Variants in RYR2 observed in about 807,000 individuals in gnomAD.
RYR2 encodes cardiac muscle ryanodine receptor-calcium release channel.
In RYR2, 227 loss-of-function variants were observed where a neutral mutation model predicts 601.1. That is an observed-to-expected ratio of 0.38 (90% CI 0.34 to 0.42). The LOEUF (loss-of-function observed/expected upper bound fraction) is 0.42, where lower values mean the gene tolerates loss of function less well. RYR2 is among the 10% of genes least tolerant of loss of function. The probability of loss-of-function intolerance (pLI) is 1.00; values close to 1 mark genes in which losing one functional copy is unlikely to be tolerated. For missense variants in RYR2, 4,646 were observed against 6,156.5 expected (o/e 0.75, Z 8.21); for synonymous variants, 2,223 against 2,175.1 (o/e 1.02, Z -0.61).
At chr1:237,832,482 A>G in intron 104 of RYR2, 70 bp from the exon 105 acceptor site, 2 of 962,560 alleles carry the variant, frequency 2.1e-6, no homozygotes, top group Admixed American at 2.0e-5. Context: ...AACAGAATTG[A>G]GTTTCTACCT....
intron 29 of RYR2, among the ~76,000 whole-genome samples, chr1:237,571,901 T>G (rs974509083): frequency 6.6e-6 from 1 of 152,192 alleles, no homozygotes; most frequent in African/African-American, 2.4e-5. Context: ...AATTGCATCA[T>G]GGAAAATGGG....
chr1:237,374,674 G>T (rs755688058), intron 6 of RYR2, 43 bp from the exon 7 acceptor site: 3 of 1,519,550 alleles, frequency 2.0e-6, no homozygotes, highest in African/African-American at 1.4e-5. Context: ...AACAACAGAC[G>T]AACAAAACCT....
At chr1:237,258,280 G>A (rs756208286) in intron 1 of RYR2, among the ~76,000 whole-genome samples, 42 of 152,072 alleles carry the variant, frequency 2.8e-4, no homozygotes, top group Non-Finnish European at 5.4e-4. Context: ...GGAGAATGAC[G>A]TGAGAAGGTG....
Position 237,614,423 on chromosome 1 carries a change from C to T in RYR2, c.5295C>T (p.Ser1765=). 1 of 1,614,030 alleles carries T rather than the reference C, an allele frequency of 6.2e-7. No homozygotes were observed. ...TSLRPRMQFS[S]PSFVSISNEC... ...TCAGGCCACGGATGCAGTTTTCCTC[C>T]CCCAGTTTTGTAAGCATTAGTAATG... The change falls in exon 37 of 105, where the codon TCC becomes TCT. Residue 1765 remains serine (S), a synonymous_variant. Coordinates refer to ENST00000366574, the MANE Select transcript of RYR2 (RefSeq NM_001035.3). The surrounding 1 kb of genome is among the most constrained non-coding windows in gnomAD (Gnocchi z 4.3).
At chr1:237,459,744 T>C (rs1252951187) in intron 16 of RYR2, among the ~76,000 whole-genome samples, 3 of 152,202 alleles carry the variant, frequency 2.0e-5, no homozygotes, top group Non-Finnish European at 1.5e-5. Flanking sequence ...TTGATTATTT[T>C]AGAACCTACA....
intron 3 of RYR2, among the ~76,000 whole-genome samples, chr1:237,344,737 G>C (rs1320146982): frequency 1.3e-5 from 2 of 152,128 alleles, no homozygotes; most frequent in Non-Finnish European, 2.9e-5. Context: ...ATATGGTTTT[G>C]TTCAATGTCC....
intron 24 of RYR2, among the ~76,000 whole-genome samples, chr1:237,524,957 C>T (rs990374265): frequency 5.3e-5 from 8 of 151,920 alleles, no homozygotes; most frequent in Admixed American, 2.6e-4. Flanking sequence ...GGTACATGTG[C>T]GTGTTTGTAA....
At position 237,551,209 on chromosome 1, in the gene RYR2, A is replaced by T. The variant is rs114028252; in HGVS notation, c.3214+518A>T. On this transcript the variant is annotated intron_variant, in intron 27 of 104. Transcript: ENST00000366574. ...GATTTTTAAAGGTTCTGCAAAGAAT[A>T]CATTTTCCTTAAATAATACCTTTGA... Among the ~76,000 whole-genome samples, 593 of 152,358 alleles carry T rather than the reference A, an allele frequency of 3.9e-3. 5 individuals are homozygous for T. The highest frequency in any genetic ancestry group is 0.014 in the African/African-American group (570 of 41,580).
intron 1 of RYR2, among the ~76,000 whole-genome samples, chr1:237,139,530 A>G (rs1673155927): frequency 6.6e-6 from 1 of 152,220 alleles, no homozygotes; most frequent in South Asian, 2.1e-4. Flanking sequence ...AAAGAGTTGA[A>G]TGTGCAAAAG....
chr1:237,569,440 A>G lies in RYR2; in HGVS notation c.3598+121A>G, dbSNP rs1672434992. On this transcript the variant is annotated intron_variant, in intron 29 of 104. Transcript: ENST00000366574. ...GTGAGCAGATGAGTTGCAGCTGTAA[A>G]TCGTGAGGGTGCCTTGTGACTGACT... 7 of 860,598 alleles carry G rather than the reference A, an allele frequency of 8.1e-6. No homozygotes were observed. The Admixed American group carries it at 9.2e-5, about 11-fold the overall frequency. 53.3% of individuals were successfully genotyped at this position (860,598 alleles called of 1,614,324 possible). A position where few individuals can be genotyped will look rare whatever the true frequency, so the allele number is the denominator to read the frequency against.
At chr1:237,788,782 C>T (rs560931710) in intron 92 of RYR2, among the ~76,000 whole-genome samples, 3 of 152,194 alleles carry the variant, frequency 2.0e-5, no homozygotes, top group South Asian at 4.1e-4. Context: ...GTAAAGCACA[C>T]ATTCATATTT....
chr1:237,766,912 C>T (rs138829030), intron 84 of RYR2, among the ~76,000 whole-genome samples: 1,657 of 152,288 alleles, frequency 0.011, 17 homozygotes, highest in Middle Eastern at 0.02. Flanking sequence ...TAAATTTTAA[C>T]AAATGCACTC....
chr1:237,332,658 C>A (rs1696860846), intron 3 of RYR2, among the ~76,000 whole-genome samples: 1 of 152,102 alleles, frequency 6.6e-6, no homozygotes, highest in South Asian at 2.1e-4. Context: ...ATGCATCTTG[C>A]CATTTCATCT....
At chr1:237,050,770 CA>C (rs1431995014) in intron 1 of RYR2, among the ~76,000 whole-genome samples, 2 of 152,126 alleles carry the variant, frequency 1.3e-5, no homozygotes, top group Non-Finnish European at 2.9e-5. Context: ...AGTCTTGAGT[CA>C]ATTGGGATAT....
intron 1 of RYR2, among the ~76,000 whole-genome samples, chr1:237,103,622 G>A (rs2148532072): frequency 6.6e-6 from 1 of 152,338 alleles, no homozygotes; most frequent in South Asian, 2.1e-4. Context: ...AGGCTGGAGT[G>A]CAATGCCATG....
intron 40 of RYR2, among the ~76,000 whole-genome samples, chr1:237,627,541 A>C (rs181719843): frequency 9.8e-5 from 15 of 152,342 alleles, no homozygotes; most frequent in Non-Finnish European, 1.5e-5. Context: ...AATTTTGAAA[A>C]AGTGATATAA....
At chr1:237,126,787 T>A (rs1208598091) in intron 1 of RYR2, among the ~76,000 whole-genome samples, 1 of 152,046 alleles carries the variant, frequency 6.6e-6, no homozygotes, top group East Asian at 1.9e-4. Flanking sequence ...TTATTTATTT[T>A]TTTAAATTTA....
chr1:237,149,394 G>C (rs1674450648), intron 1 of RYR2, among the ~76,000 whole-genome samples: 1 of 152,146 alleles, frequency 6.6e-6, no homozygotes, highest in East Asian at 1.9e-4. Context: ...TAGAATACAA[G>C]CTTTGAGAAG....
At chr1:237,096,425 T>C (rs188082232) in intron 1 of RYR2, among the ~76,000 whole-genome samples, 128 of 152,338 alleles carry the variant, frequency 8.4e-4, no homozygotes, top group Admixed American at 1.6e-3. Flanking sequence ...ATTGTTCTTA[T>C]GAGAATGGTT....
Sources: gnomAD v4.1 joint callset for allele counts (sites outside exome capture counted in the v4.1 genomes callset) on GRCh38, gnomAD v4.1.1 for gene constraint, Gnocchi (gnomAD v3.1) non-coding constraint, MANE v1.5 for transcripts, NCBI Gene and HGNC (gene_info 2026-07-23, HGNC 2026-07-21) for gene names.